RNF4: variants seen among roughly 807,000 people sequenced by gnomAD.
RNF4 encodes the protein E3 ubiquitin-protein ligase RNF4.
RNF4 carries 7 observed loss-of-function variants against 24.3 expected under a neutral mutation model. The ratio of observed to expected loss-of-function variants is 0.29; its 90% CI spans 0.16 to 0.54. RNF4 has a LOEUF of 0.54. Ranked by LOEUF, RNF4 falls within the 20% of genes least tolerant of loss-of-function variation. The pLI is 0.95. For missense variants in RNF4, 209 were observed against 248.5 expected (o/e 0.84, Z 1.07); for synonymous variants, 83 against 84.3 (o/e 0.98, Z 0.09).
intron 1 of RNF4, among the ~76,000 whole-genome samples, chr4:2,478,616 A>G (rs1278178719): frequency 6.6e-6 from 1 of 152,284 alleles, no homozygotes; most frequent in East Asian, 1.9e-4. Context: ...TGCAGGCCCC[A>G]AACCTTGGCA....
chr4:2,491,393 C>T (rs974108976), intron 2 of RNF4, among the ~76,000 whole-genome samples: 1 of 152,134 alleles, frequency 6.6e-6, no homozygotes, highest in African/African-American at 2.4e-5. Context: ...TGCACCTCCC[C>T]GCCCAGCTAA....
chr4:2,489,003 G>A (rs1441378112), intron 1 of RNF4, among the ~76,000 whole-genome samples: 1 of 152,014 alleles, frequency 6.6e-6, no homozygotes, highest in Non-Finnish European at 1.5e-5. Flanking sequence ...AGTAGAGACG[G>A]GGTTTCACCA....
intron 1 of RNF4, among the ~76,000 whole-genome samples, chr4:2,473,760 G>A (rs972691307): frequency 6.6e-6 from 1 of 151,078 alleles, no homozygotes; most frequent in African/African-American, 2.4e-5. Context: ...GTGGTGAGCC[G>A]AGATCACACT....
intron 1 of RNF4, chr4:2,470,857 G>A (rs1734882739): frequency 6.6e-6 from 1 of 151,464 alleles, no homozygotes; most frequent in African/African-American, 2.4e-5. Flanking sequence ...AAGGTTTATA[G>A]CAAGGATTCA....
At chr4:2,498,478 C>T (rs1031538913) in intron 3 of RNF4, among the ~76,000 whole-genome samples, 11 of 151,964 alleles carry the variant, frequency 7.2e-5, no homozygotes, top group Admixed American at 5.3e-4. Flanking sequence ...CTGAGCCACC[C>T]GCCTGGCCTA....
At chr4:2,500,135 C>T (rs958367460) in intron 3 of RNF4, among the ~76,000 whole-genome samples, 3 of 137,606 alleles carry the variant, frequency 2.2e-5, no homozygotes, top group African/African-American at 8.3e-5. Context: ...CCAGCCTTGG[C>T]GACAGAGCGA....
chr4:2,499,018 G>A (rs562465448), intron 3 of RNF4, among the ~76,000 whole-genome samples: 81 of 152,282 alleles, frequency 5.3e-4, no homozygotes, highest in African/African-American at 1.9e-3. Flanking sequence ...CCAACATGGC[G>A]AAACCCCATC....
intron 4 of RNF4, among the ~76,000 whole-genome samples, 166 bp downstream of exon 4, chr4:2,500,904 CAAT>C (rs913397126): frequency 3.4e-4 from 52 of 152,150 alleles, no homozygotes; most frequent in African/African-American, 1.2e-3. Context: ...TAAACAGTAA[CAAT>C]AATAATAACA....
intron 4 of RNF4, among the ~76,000 whole-genome samples, chr4:2,501,301 C>T (rs1182424016): frequency 6.6e-6 from 1 of 152,180 alleles, no homozygotes; most frequent in Non-Finnish European, 1.5e-5. Context: ...AACGTTGGCT[C>T]AGCACTGCCC....
At chr4:2,475,922 C>T (rs776158828) in intron 1 of RNF4, among the ~76,000 whole-genome samples, 1 of 152,164 alleles carries the variant, frequency 6.6e-6, no homozygotes, top group Non-Finnish European at 1.5e-5. Flanking sequence ...TTTTGTTAGG[C>T]TTTGTTATGT....
intron 1 of RNF4, chr4:2,469,993 G>A (rs1446685479): frequency 6.6e-6 from 1 of 152,298 alleles, no homozygotes; most frequent in Non-Finnish European, 1.5e-5. Context: ...TTCCGCCTTT[G>A]ATCCATCGAG....
At chr4:2,495,870 A>T (rs1286163344) in intron 2 of RNF4, among the ~76,000 whole-genome samples, 1 of 152,166 alleles carries the variant, frequency 6.6e-6, no homozygotes, top group Non-Finnish European at 1.5e-5. Context: ...ACCTCTGGTG[A>T]TCCGCCTGCC....
At chr4:2,477,551 C>G (rs1178551862) in intron 1 of RNF4, among the ~76,000 whole-genome samples, 1 of 152,212 alleles carries the variant, frequency 6.6e-6, no homozygotes, top group East Asian at 1.9e-4. Context: ...TGCCACTGCA[C>G]TCCAGCTTGG....
intron 7 of RNF4, 91 bp from the exon 8 acceptor site, chr4:2,513,579 A>T: frequency 6.7e-7 from 1 of 1,491,546 alleles, no homozygotes; most frequent in South Asian, 1.2e-5. Context: ...TTAATTAGTC[A>T]TCTTAGGCAT....
rs750889099 is a variant in RNF4 at position 2,490,453 on chromosome 4, A to G, written c.-41A>G. The G allele has an allele frequency of 1.2e-6, 2 of 1,608,338 alleles. No individual in the cohort carries two copies. The highest frequency in any genetic ancestry group is 3.4e-5 in the Admixed American group (2 of 59,634). ...TTCCCTGCAAACCTTGGTATAGATC[A>G]CTTCCTTTTCTGTAGGAAAGGAAAG... is the stretch of plus-strand genomic sequence containing the variant. On this transcript the variant is annotated 5_prime_UTR_variant, in exon 2 of 8. Transcript: ENST00000314289.
chr4:2,494,602 G>A lies in RNF4; in HGVS notation c.10-2405G>A, dbSNP rs188562031. The A allele has an allele frequency of 1.6e-4, 24 of 151,892 alleles. 1 individual carries two copies. In the East Asian group the frequency reaches 4.1e-3, roughly 26 times the overall value. The allele number at this position is 151,892 out of a possible 1,614,324, so 9.4% of individuals were successfully genotyped here. A position where few individuals can be genotyped will look rare whatever the true frequency, so the allele number is the denominator to read the frequency against. Reference sequence around the variant, plus strand: ...TCTACGTGTTAGCCAGGATGGTCTCGATCTTCTGACCTTGTGATCCGCCCG... The same window carrying A: ...TCTACGTGTTAGCCAGGATGGTCTCAATCTTCTGACCTTGTGATCCGCCCG... On this transcript the variant is annotated intron_variant, in intron 2 of 7. Transcript: ENST00000314289.
At chr4:2,486,884 C>G (rs1735426543) in intron 1 of RNF4, among the ~76,000 whole-genome samples, 1 of 152,122 alleles carries the variant, frequency 6.6e-6, no homozygotes, top group African/African-American at 2.4e-5. Flanking sequence ...GAACAAGCCC[C>G]TATATGATAG....
chr4:2,483,479 G>A (rs1249495957), intron 1 of RNF4, among the ~76,000 whole-genome samples: 1 of 152,184 alleles, frequency 6.6e-6, no homozygotes, highest in East Asian at 1.9e-4. Flanking sequence ...TGTGGTTATT[G>A]ATATGACTGA....
In RNF4 at chr4:2,513,806, C is replaced by G. The variant is rs1266479598; in HGVS notation, c.560C>G (p.Pro187Arg). The change falls in exon 8 of 8, where the codon CCC (proline) becomes CGC (arginine). Residue 187 changes from proline to arginine, a missense_variant. Transcript: ENST00000314289. ...AAGATCAACCACAAACGGTACCACC[C>G]CATTTATATATGAAGTATTCAGAGC... ...RKKINHKRYH[P>R]IYI 1 of 1,613,938 alleles carries G rather than the reference C, an allele frequency of 6.2e-7. No individual in the cohort carries two copies. Among genetic ancestry groups the G allele is most frequent in the Non-Finnish European group, 8.5e-7 (1 of 1,179,878 alleles).
Sources: allele counts gnomAD v4.1 joint callset (sites outside exome capture counted in the v4.1 genomes callset), GRCh38; gene constraint gnomAD v4.1.1; transcripts MANE v1.5; gene names NCBI Gene and HGNC (gene_info 2026-07-23, HGNC 2026-07-21).